The following SDK1 variants were observed in gnomAD, a reference collection of about 807,000 sequenced individuals.
SDK1 encodes the protein protein sidekick-1.
In SDK1, 157 loss-of-function variants were observed where a neutral mutation model predicts 245.5. The observed-to-expected ratio is 0.64, with a 90% confidence interval of 0.56 to 0.73. The LOEUF (loss-of-function observed/expected upper bound fraction) is 0.73, where lower values mean the gene tolerates loss of function less well. Among genes scored for constraint, SDK1 ranks in the 30% least tolerant of loss-of-function variants. The pLI, the probability that SDK1 is intolerant of heterozygous loss-of-function variation, is 0.00. For missense variants in SDK1, 3,583 were observed against 3,002.3 expected (o/e 1.19, Z -4.52); for synonymous variants, 1,647 against 1,278.5 (o/e 1.29, Z -6.15).
intron 5 of SDK1, among the ~76,000 whole-genome samples, chr7:3,947,748 C>G (rs1182198053): frequency 6.6e-6 from 1 of 151,238 alleles, no homozygotes; most frequent in Non-Finnish European, 1.5e-5. Flanking sequence ...AGTAAAAATC[C>G]TGTTTGAAAG....
Position 3,615,221 on chromosome 7 carries a change from C to G in SDK1, c.299-3859C>G, listed in dbSNP as rs567272927. ...TGTTGTTAAACAGAGTGCAAATGGC[C>G]AGACATTAATAAAGCCTGTAGCTCA... On this transcript the variant is annotated intron_variant, in intron 1 of 44. Coordinates refer to ENST00000404826, the MANE Select transcript of SDK1 (RefSeq NM_152744.4). Among the ~76,000 whole-genome samples the G allele has an allele frequency of 1.4e-4, 21 of 151,588 alleles. No individual in the cohort carries two copies. The East Asian group carries it at 3.7e-3, about 27-fold the overall frequency.
chr7:3,768,333 A>G (rs1780312711), intron 4 of SDK1, among the ~76,000 whole-genome samples: 5 of 152,226 alleles, frequency 3.3e-5, no homozygotes, highest in Admixed American at 3.3e-4. Context: ...CCAAAACTCA[A>G]GGACAGTATT....
intron 5 of SDK1, among the ~76,000 whole-genome samples, chr7:3,860,804 A>T (rs530376393): frequency 6.6e-6 from 1 of 152,314 alleles, no homozygotes; most frequent in South Asian, 2.1e-4. Context: ...CACACCCTAT[A>T]GTTTAACAAT....
At chr7:4,231,400 C>CAAA (rs61517219) in intron 40 of SDK1, among the ~76,000 whole-genome samples, 1 of 128,878 alleles carries the variant, frequency 7.8e-6, no homozygotes, top group South Asian at 2.5e-4. Flanking sequence ...CCTGTCACTA[C>CAAA]AAAAAAAAAA....
At chr7:3,759,063 G>T (rs755629043) in intron 4 of SDK1, among the ~76,000 whole-genome samples, 5 of 152,152 alleles carry the variant, frequency 3.3e-5, no homozygotes, top group Non-Finnish European at 7.3e-5. Context: ...GGTAGCATTT[G>T]TGTAAACTAC....
chr7:3,606,301 A>T (rs550358774), intron 1 of SDK1, among the ~76,000 whole-genome samples: 5 of 152,254 alleles, frequency 3.3e-5, no homozygotes, highest in Admixed American at 2.0e-4. Flanking sequence ...CAGTTTACCA[A>T]ATGACCGTCC....
intron 2 of SDK1, among the ~76,000 whole-genome samples, chr7:3,621,540 G>A (rs1424282935): frequency 6.6e-6 from 1 of 152,200 alleles, no homozygotes; most frequent in East Asian, 1.9e-4. Context: ...CAGGCTACAC[G>A]CCTTGGATGG....
Position 3,968,155 on chromosome 7 carries a change from G to A in SDK1, c.1546+721G>A, listed in dbSNP as rs546755169. Among the ~76,000 whole-genome samples, 239 of 152,296 alleles carry A rather than the reference G, an allele frequency of 1.6e-3. 1 individual carries two copies. Among genetic ancestry groups the A allele is most frequent in the African/African-American group, 5.4e-3 (223 of 41,564 alleles). ...TGTGACATTCAGAATTAAGGATCAC[G>A]GCCTTTGTTTTGTTGAAGAAAGATG... On this transcript the variant is annotated intron_variant, in intron 10 of 44. Coordinates refer to ENST00000404826, the MANE Select transcript of SDK1 (RefSeq NM_152744.4).
chr7:3,399,435 C>T (rs75654305), intron 1 of SDK1, among the ~76,000 whole-genome samples: 4 of 152,074 alleles, frequency 2.6e-5, no homozygotes, highest in African/African-American at 9.7e-5. Context: ...TCATCAGGGA[C>T]AGCTTCTATT....
At chr7:4,226,643 A>G (rs611409) in intron 40 of SDK1, among the ~76,000 whole-genome samples, 83,310 of 152,080 alleles carry the variant, frequency 0.55, 23,769 homozygotes, top group African/African-American at 0.65. Flanking sequence ...ACCAGCTTCC[A>G]CCAGCATGGC....
intron 1 of SDK1, among the ~76,000 whole-genome samples, chr7:3,574,367 C>G (rs1780218644): frequency 1.3e-5 from 2 of 152,070 alleles, no homozygotes; most frequent in African/African-American, 4.8e-5. Context: ...TCGCCCGCCT[C>G]AGCTTCCCAA....
rs1554271424 is a variant in SDK1, at chr7:3,852,776, AT to A, written c.847+31200del. 6.7e-4 allele frequency among the ~76,000 whole-genome samples: 96 copies of A among 142,708 alleles called. 6 individuals carry two copies. Among genetic ancestry groups the A allele is most frequent in the African/African-American group, 9.9e-4 (38 of 38,340 alleles). The allele number at this position is 142,708 out of a possible 152,430, so 93.6% of individuals were successfully genotyped here. On this transcript the variant is annotated intron_variant, in intron 5 of 44. Coordinates refer to ENST00000404826, the MANE Select transcript of SDK1 (RefSeq NM_152744.4). Reference sequence around the variant, plus strand: ...AAAAAAAAAAAAAAAAAAAAAAAAAATTTTTTTCCTTGAAATTTGCTTTTAA... The same window carrying A: ...AAAAAAAAAAAAAAAAAAAAAAAAAATTTTTTCCTTGAAATTTGCTTTTAA...
At chr7:3,727,002 G>C (rs188266772) in intron 4 of SDK1, among the ~76,000 whole-genome samples, 86 of 152,322 alleles carry the variant, frequency 5.6e-4, no homozygotes, top group South Asian at 1.7e-3. Context: ...CTGATAAATT[G>C]ACCATGAATA....
At chr7:3,490,055 C>G (rs149472769) in intron 1 of SDK1, among the ~76,000 whole-genome samples, 14 of 152,136 alleles carry the variant, frequency 9.2e-5, no homozygotes, top group Non-Finnish European at 1.9e-4. Context: ...TCTACTGTCA[C>G]TTGCTTTCAA....
intron 4 of SDK1, among the ~76,000 whole-genome samples, chr7:3,653,915 T>C (rs1182257444): frequency 6.6e-6 from 1 of 152,182 alleles, no homozygotes; most frequent in Non-Finnish European, 1.5e-5. Flanking sequence ...TTGTGAGATT[T>C]AACAGAAGAG....
chr7:3,521,810 T>A (rs1782949456), intron 1 of SDK1, among the ~76,000 whole-genome samples: 1 of 152,128 alleles, frequency 6.6e-6, no homozygotes, highest in Non-Finnish European at 1.5e-5. Context: ...AAATATACAG[T>A]TGTACAAGGT....
chr7:4,206,682 T>C (rs1235577373), intron 36 of SDK1, among the ~76,000 whole-genome samples: 1 of 152,158 alleles, frequency 6.6e-6, no homozygotes, highest in Non-Finnish European at 1.5e-5. Flanking sequence ...GTCCCATCCC[T>C]GAGGCCTGGC....
chr7:3,657,683 G>A (rs1159441881), intron 4 of SDK1, among the ~76,000 whole-genome samples: 2 of 152,296 alleles, frequency 1.3e-5, no homozygotes, highest in African/African-American at 4.8e-5. Flanking sequence ...TCCTCAGGAG[G>A]GGGACATTCC....
intron 1 of SDK1, among the ~76,000 whole-genome samples, chr7:3,483,935 A>G (rs1381614864): frequency 6.6e-6 from 1 of 152,214 alleles, no homozygotes; most frequent in Non-Finnish European, 1.5e-5. Context: ...TTTTTAACTA[A>G]TACATAATAG....
Sources: gnomAD v4.1 joint callset for allele counts (sites outside exome capture counted in the v4.1 genomes callset) on GRCh38, gnomAD v4.1.1 for gene constraint, MANE v1.5 for transcripts, NCBI Gene and HGNC (gene_info 2026-07-23, HGNC 2026-07-21) for gene names.